FBXO42: variants seen among roughly 807,000 people sequenced by gnomAD.
FBXO42 encodes F-box only protein 42.
In FBXO42, 12 loss-of-function variants were observed where a neutral mutation model predicts 71.7. The observed-to-expected ratio is 0.17, with a 90% confidence interval of 0.11 to 0.27. FBXO42 has a LOEUF of 0.27. Ranked by LOEUF, FBXO42 falls within the 10% of genes least tolerant of loss-of-function variation. The pLI is 1.00. For missense variants in FBXO42, 707 were observed against 911.9 expected, an observed-to-expected ratio of 0.78 and a Z score of 2.89; for synonymous variants, 325 against 327.5, an observed-to-expected ratio of 0.99 and a Z score of 0.08.
At chr1:16,325,596 G>GA (rs756875163) in intron 1 of FBXO42, among the ~76,000 whole-genome samples, 14 of 152,090 alleles carry the variant, frequency 9.2e-5, no homozygotes, top group Non-Finnish European at 1.6e-4. Flanking sequence ...TAATAAAACA[G>GA]AAAAAATTTA....
chr1:16,351,355 C>T (rs980735247), intron 1 of FBXO42, among the ~76,000 whole-genome samples: 2 of 152,130 alleles, frequency 1.3e-5, no homozygotes, highest in African/African-American at 4.8e-5. Context: ...ATAGTTTCAA[C>T]GTCGGGGCCA....
At chr1:16,307,147 C>G (rs1030206328) in intron 2 of FBXO42, among the ~76,000 whole-genome samples, 5 of 152,164 alleles carry the variant, frequency 3.3e-5, no homozygotes, top group African/African-American at 1.2e-4. Flanking sequence ...CCGCCTAAGC[C>G]TCCCAAAATG....
chr1:16,315,404 C>G lies in FBXO42; in HGVS notation c.15G>C (p.Ser5=), dbSNP rs2273311. The part of the protein sequence containing the change: MASS[S]DSEDDSFMAV... ...CCATGAAACTGTCATCTTCACTGTC[C>G]GAGGAGCTGGCCATGACATTCCACT... Residue 5 remains serine (S), a synonymous_variant, in exon 2 of 10, where the codon TCG becomes TCC. Coordinates refer to ENST00000375592, the MANE Select transcript of FBXO42 (RefSeq NM_018994.3). The G allele has an allele frequency of 6.2e-7, 1 of 1,613,790 alleles. No individual in the cohort carries two copies. Among genetic ancestry groups the G allele is most frequent in the East Asian group, 2.2e-5 (1 of 44,862 alleles).
chr1:16,256,312 C>T (rs1192302360), intron 5 of FBXO42, among the ~76,000 whole-genome samples: 1 of 152,204 alleles, frequency 6.6e-6, no homozygotes, highest in African/African-American at 2.4e-5. Flanking sequence ...GCAGCCAAAG[C>T]TGAAGAGCTC....
chr1:16,351,126 G>A (rs1290819887), intron 1 of FBXO42, among the ~76,000 whole-genome samples: 2 of 152,114 alleles, frequency 1.3e-5, no homozygotes, highest in Admixed American at 6.6e-5. Context: ...TCATTCTTAA[G>A]CAGAAGTAAA....
At chr1:16,332,949 T>C (rs182105762) in intron 1 of FBXO42, among the ~76,000 whole-genome samples, 1 of 152,288 alleles carries the variant, frequency 6.6e-6, no homozygotes, top group East Asian at 1.9e-4. Flanking sequence ...CCAACAGATT[T>C]CAATTCAGTC....
chr1:16,329,162 CAA>C lies in FBXO42; in HGVS notation c.-17-13729_-17-13728del, dbSNP rs1221377687. Among the ~76,000 whole-genome samples the C allele has an allele frequency of 1.1e-3, 66 of 60,438 alleles. 1 individual carries two copies. Among genetic ancestry groups the C allele is most frequent in the African/African-American group, 2.3e-3 (39 of 16,754 alleles). The allele number at this position is 60,438 out of a possible 152,430, so 39.6% of individuals were successfully genotyped here. On this transcript the variant is annotated intron_variant, in intron 1 of 9. Transcript: ENST00000375592. ...TGGGCAACAGAGTGAGACTCTGTCTCAAAAAAAAAAAAAAAAAAAAGAAAATT... is the reference window on the plus strand; with the variant it reads ...TGGGCAACAGAGTGAGACTCTGTCTCAAAAAAAAAAAAAAAAAAGAAAATT...
At chr1:16,333,384 C>T (rs1356543217) in intron 1 of FBXO42, among the ~76,000 whole-genome samples, 1 of 151,258 alleles carries the variant, frequency 6.6e-6, no homozygotes, top group Non-Finnish European at 1.5e-5. Flanking sequence ...AGACTGCCAC[C>T]AGAGGATCGC....
intron 3 of FBXO42, among the ~76,000 whole-genome samples, chr1:16,304,559 A>G (rs758877715): frequency 2.0e-5 from 3 of 152,154 alleles, no homozygotes; most frequent in Non-Finnish European, 4.4e-5. Flanking sequence ...TCCCTAAGCA[A>G]AATCTTAGAA....
intron 4 of FBXO42, among the ~76,000 whole-genome samples, chr1:16,266,674 A>C (rs1431052562): frequency 6.6e-6 from 1 of 152,110 alleles, no homozygotes; most frequent in East Asian, 1.9e-4. Flanking sequence ...GGTGGGAAGG[A>C]TGGATTTTGC....
intron 2 of FBXO42, among the ~76,000 whole-genome samples, chr1:16,312,823 C>A (rs1035749177): frequency 1.3e-5 from 2 of 148,748 alleles, no homozygotes; most frequent in African/African-American, 5.0e-5. Context: ...GAGACAGAAT[C>A]TCTGTCTGTC....
In FBXO42 at chr1:16,332,950, C is replaced by T. The variant is rs1285046197; in HGVS notation, c.-17-17515G>A. On this transcript the variant is annotated intron_variant, in intron 1 of 9. Transcript: ENST00000375592. ...AGTAGTGGCTTTTTCCAACAGATTT[C>T]AATTCAGTCATCTGAAGTACTTGTT... 3.9e-5 allele frequency among the ~76,000 whole-genome samples: 6 copies of T among 152,248 alleles called. 1 individual carries two copies. The highest frequency in any genetic ancestry group is 1.4e-4 in the African/African-American group (6 of 41,550).
intron 1 of FBXO42, among the ~76,000 whole-genome samples, chr1:16,337,615 G>T (rs1296034438): frequency 6.6e-6 from 1 of 152,042 alleles, no homozygotes; most frequent in Non-Finnish European, 1.5e-5. Context: ...AGGCACAGTG[G>T]CTCACGCCTG....
chr1:16,319,121 T>C (rs1380582967), intron 1 of FBXO42, among the ~76,000 whole-genome samples: 1 of 152,088 alleles, frequency 6.6e-6, no homozygotes, highest in Non-Finnish European at 1.5e-5. Flanking sequence ...ATAAGAAGGG[T>C]CTTCCCAAAA....
chr1:16,283,507 T>TG (rs2081988587), intron 4 of FBXO42, among the ~76,000 whole-genome samples: 1 of 69,208 alleles, frequency 1.4e-5, no homozygotes. Flanking sequence ...TTTTTTTTTT[T>TG]TTTTTTTTTT....
chr1:16,331,968 G>C (rs912087876), intron 1 of FBXO42, among the ~76,000 whole-genome samples: 1 of 151,956 alleles, frequency 6.6e-6, no homozygotes, highest in African/African-American at 2.4e-5. Context: ...AGAATCGCTT[G>C]AACCTGTGAG....
At position 16,252,433 on chromosome 1, in the gene FBXO42, T is replaced by G; in HGVS notation, c.922-29A>C. The G allele has an allele frequency of 6.4e-7, 1 of 1,559,092 alleles. No homozygotes were observed. Among genetic ancestry groups the G allele is most frequent in the Non-Finnish European group, 8.8e-7 (1 of 1,131,238 alleles). ...TAAGAGAAAAAACCAATAACAAGAC[T>G]CAGGTGTGATATGCGTTCCAAAACA... On this transcript the variant is annotated intron_variant, in intron 8 of 9. Coordinates refer to ENST00000375592, the MANE Select transcript of FBXO42 (RefSeq NM_018994.3). The surrounding 1 kb of genome is among the most constrained non-coding windows in gnomAD (Gnocchi z 4.4).
intron 4 of FBXO42, among the ~76,000 whole-genome samples, chr1:16,291,584 G>A (rs566368120): frequency 6.6e-6 from 1 of 151,828 alleles, no homozygotes; most frequent in Admixed American, 6.6e-5. Context: ...GTTTCGCTAT[G>A]TTGGCCAGGC....
At chr1:16,283,472 T>C (rs942652876) in intron 4 of FBXO42, among the ~76,000 whole-genome samples, 2 of 147,670 alleles carry the variant, frequency 1.4e-5, no homozygotes, top group African/African-American at 2.5e-5. Context: ...CTGGCATTTA[T>C]AGACTCTTCT....
Sources: gnomAD v4.1 joint callset for allele counts (sites outside exome capture counted in the v4.1 genomes callset) on GRCh38, gnomAD v4.1.1 for gene constraint, Gnocchi (gnomAD v3.1) non-coding constraint, MANE v1.5 for transcripts, NCBI Gene and HGNC (gene_info 2026-07-23, HGNC 2026-07-21) for gene names.